FBN3: variants seen among roughly 807,000 people sequenced by gnomAD.
FBN3 encodes the protein fibrillin 3.
A neutral mutation model predicts 330.1 loss-of-function variants in FBN3; 234 were observed. The observed-to-expected ratio is 0.71, with a 90% CI of 0.64 to 0.79. FBN3 has a LOEUF of 0.79. Among genes scored for constraint, FBN3 ranks in the 30% least tolerant of loss-of-function variants. The pLI is 0.00. For missense variants in FBN3, 3,606 were observed against 3,886.9 expected (o/e 0.93, Z 1.92); for synonymous variants, 1,458 against 1,517.3 (o/e 0.96, Z 0.91).
intron 63 of FBN3, 95 bp from the exon 64 acceptor site, chr19:8,066,355 T>C: frequency 1.1e-6 from 1 of 910,408 alleles, no homozygotes; most frequent in Non-Finnish European, 1.6e-6. Context: ...GAGGAGATTC[T>C]GGCCAATCTC....
Position 8,102,102 on chromosome 19 carries a change from T to C in FBN3, c.5089+622A>G, listed in dbSNP as rs2082339406. ...GGCAGTTCCCCTGCACGCGCTCTCT[T>C]GCCTGCCACCATGTAAGACGTGCTT... On this transcript the variant is annotated intron_variant, in intron 40 of 63. Coordinates refer to ENST00000600128, the MANE Select transcript of FBN3 (RefSeq NM_032447.5). Among the ~76,000 whole-genome samples, 6 of 152,352 alleles carry C rather than the reference T, an allele frequency of 3.9e-5. No individual in the cohort carries two copies. In the South Asian group the frequency reaches 1.2e-3, roughly 32 times the overall value.
intron 63 of FBN3, among the ~76,000 whole-genome samples, chr19:8,067,959 G>A (rs1450371277): frequency 3.3e-5 from 5 of 152,092 alleles, no homozygotes; most frequent in African/African-American, 1.2e-4. Context: ...AGCTACTAGG[G>A]AGGCTGAGGT....
intron 24 of FBN3, among the ~76,000 whole-genome samples, chr19:8,123,211 A>C (rs1183821634): frequency 1.3e-5 from 2 of 152,048 alleles, no homozygotes; most frequent in African/African-American, 2.4e-5. Flanking sequence ...AAAATTAGCC[A>C]GGCATGGTGG....
intron 1 of FBN3, chr19:8,147,837 G>A (rs1006457296): frequency 5.1e-5 from 10 of 196,472 alleles, no homozygotes; most frequent in African/African-American, 2.1e-4. Context: ...TTGCTCATTC[G>A]TCAAGGACAA....
At chr19:8,148,036 C>G (rs978225885) in intron 1 of FBN3, among the ~76,000 whole-genome samples, 4 of 151,928 alleles carry the variant, frequency 2.6e-5, no homozygotes, top group African/African-American at 9.7e-5. Context: ...TGAGGAGATT[C>G]CCAAAGTTCT....
At chr19:8,144,779 G>A (rs955486078) in intron 6 of FBN3, 98 bp downstream of exon 6, 7 of 931,760 alleles carry the variant, frequency 7.5e-6, no homozygotes, top group Admixed American at 4.7e-5. Flanking sequence ...AGGCCAGCTG[G>A]TTCCTTTCAA....
At chr19:8,067,052 C>T (rs999203560) in intron 63 of FBN3, among the ~76,000 whole-genome samples, 3 of 151,926 alleles carry the variant, frequency 2.0e-5, no homozygotes, top group African/African-American at 7.3e-5. Flanking sequence ...GGGCTCATGC[C>T]TATAATCCCA....
intron 16 of FBN3, among the ~76,000 whole-genome samples, chr19:8,130,213 T>A (rs2083091962): frequency 6.6e-6 from 1 of 151,080 alleles, no homozygotes; most frequent in African/African-American, 2.4e-5. Flanking sequence ...GTAAATGTTT[T>A]AAAAATTGGC....
In FBN3 at chr19:8,085,244, C is replaced by T. The variant is rs541592710; in HGVS notation, c.7087+119G>A. On this transcript the variant is annotated intron_variant, in intron 56 of 63. Transcript: ENST00000600128. ...AGACACACACACACACACACACACA[C>T]ACACACACACACAGTGTGGCTCACA... 1.8e-5 allele frequency: 15 copies of T among 814,902 alleles called. No homozygotes were observed. In the African/African-American group the frequency reaches 2.3e-4, roughly 12 times the overall value. 50.5% of individuals were successfully genotyped at this position (814,902 alleles called of 1,614,324 possible).
At position 8,109,439 on chromosome 19, in the gene FBN3, G is replaced by A; in HGVS notation, c.4457-51C>T. ...GTAGGTGTCAGAGGGAAAGCTGTAT[G>A]TGTGCGTGTGCATGCATGTGTCTAT... On this transcript the variant is annotated intron_variant, in intron 35 of 63. Transcript: ENST00000600128. The surrounding 1 kb of genome is among the most constrained non-coding windows in gnomAD (Gnocchi z 5.2). The A allele has an allele frequency of 6.2e-7, 1 of 1,600,150 alleles. No homozygotes were observed. The highest frequency in any genetic ancestry group is 8.6e-7 in the Non-Finnish European group (1 of 1,168,528).
At chr19:8,143,137 C>A (rs1232787291) in intron 6 of FBN3, among the ~76,000 whole-genome samples, 1 of 152,132 alleles carries the variant, frequency 6.6e-6, no homozygotes, top group African/African-American at 2.4e-5. Flanking sequence ...CCTGTGGGCT[C>A]GGTTTTTTCT....
chr19:8,130,607 A>AAG lies in FBN3; in HGVS notation c.2044+627_2044+628insCT, dbSNP rs2083108225. Among the ~76,000 whole-genome samples the AAG allele has an allele frequency of 2.6e-4, 4 of 15,142 alleles. 2 individuals carry two copies. Among genetic ancestry groups the AAG allele is most frequent in the Non-Finnish European group, 5.4e-4 (4 of 7,456 alleles). The allele number at this position is 15,142 out of a possible 152,430, so 9.9% of individuals were successfully genotyped here. ...ATGAAAGAAAGAAAGAAAGAAAGAA[A>AAG]GAAAGAAAGAAAGAAAGAAAGAAAG... is the stretch of plus-strand genomic sequence containing the variant. On this transcript the variant is annotated intron_variant, in intron 16 of 63. Transcript: ENST00000600128.
chr19:8,097,957 G>T (rs1052005074), intron 41 of FBN3, among the ~76,000 whole-genome samples: 2 of 152,192 alleles, frequency 1.3e-5, no homozygotes, highest in Non-Finnish European at 2.9e-5. Flanking sequence ...ACAGAAAGTC[G>T]ATTTGTGGTT....
intron 13 of FBN3, among the ~76,000 whole-genome samples, chr19:8,135,524 T>C (rs28771971): frequency 0.38 from 48,879 of 129,660 alleles, 8,556 homozygotes; most frequent in African/African-American, 0.56. Flanking sequence ...CCTCCCAAAG[T>C]GCTGGGATTA....
In FBN3 at chr19:8,066,143, G is replaced by C; in HGVS notation, c.8206C>G (p.Arg2736Gly). Residue 2736 changes from arginine (R) to glycine (G), a missense_variant, in exon 64 of 64, where the codon CGG (arginine) becomes GGG (glycine). Transcript: ENST00000600128. ...CCGCGGACGATGACGTAGCGGATCCGGCCCTCTAGACCCTCCAGGGCCGGC... is the reference window on the plus strand; with the variant it reads ...CCGCGGACGATGACGTAGCGGATCCCGCCCTCTAGACCCTCCAGGGCCGGC... ...LRPALEGLEG[R>G]IRYVIVRGNE... The C allele has an allele frequency of 6.2e-7, 1 of 1,613,468 alleles. No individual in the cohort carries two copies. The highest frequency in any genetic ancestry group is 8.5e-7 in the Non-Finnish European group (1 of 1,180,018).
At position 8,124,092 on chromosome 19, in the gene FBN3, C is replaced by T. The variant is rs77056685; in HGVS notation, c.2732-84G>A. 6.9e-4 allele frequency: 829 copies of T among 1,197,954 alleles called. 5 individuals carry two copies. The Middle Eastern group carries it at 9.7e-3, about 14-fold the overall frequency. 74.2% of individuals were successfully genotyped at this position (1,197,954 alleles called of 1,614,324 possible). On this transcript the variant is annotated intron_variant, in intron 22 of 63. Coordinates refer to ENST00000600128, the MANE Select transcript of FBN3 (RefSeq NM_032447.5). Reference sequence around the variant, plus strand: ...AGGCGTGCCGCTCAGTCACTCCCATCGGAAACTTTCTCCCGGACGTAGTCA... The same window carrying T: ...AGGCGTGCCGCTCAGTCACTCCCATTGGAAACTTTCTCCCGGACGTAGTCA...
Position 8,142,069 on chromosome 19 carries a change from C to G in FBN3, c.610G>C (p.Val204Leu), listed in dbSNP as rs368250064. The change falls in exon 7 of 64, where the codon GTG becomes CTG. Residue 204 changes from valine (V) to leucine (L), a missense_variant. By Grantham distance (32) the Val-to-Leu change is conservative. Transcript: ENST00000600128. ...EGCQHQLTGL[V>L]CTKALCCATV... Reference sequence around the variant, plus strand: ...GCACAGCAAAGTGCCTTGGTGCACACGAGGCCCGTCAGCTGATGCTGGCAC... The same window carrying G: ...GCACAGCAAAGTGCCTTGGTGCACAGGAGGCCCGTCAGCTGATGCTGGCAC... The G allele has an allele frequency of 6.2e-7, 1 of 1,613,838 alleles. No homozygotes were observed. Among genetic ancestry groups the G allele is most frequent in the Admixed American group, 1.7e-5 (1 of 59,994 alleles).
At chr19:8,101,220 G>T (rs980671964) in intron 40 of FBN3, among the ~76,000 whole-genome samples, 1 of 152,182 alleles carries the variant, frequency 6.6e-6, no homozygotes, top group East Asian at 1.9e-4. Flanking sequence ...AACCTCCCAG[G>T]TTCAGGTGAC....
intron 59 of FBN3, 143 bp from the exon 60 acceptor site, chr19:8,075,554 C>T (rs962091611): frequency 2.6e-6 from 2 of 772,352 alleles, no homozygotes; most frequent in African/African-American, 3.5e-5. Flanking sequence ...GAAATGAGAT[C>T]TGTAACAGTT....
Sources: gnomAD v4.1 joint callset for allele counts (sites outside exome capture counted in the v4.1 genomes callset) on GRCh38, gnomAD v4.1.1 for gene constraint, Gnocchi (gnomAD v3.1) non-coding constraint, MANE v1.5 for transcripts, NCBI Gene and HGNC (gene_info 2026-07-23, HGNC 2026-07-21) for gene names.